Variants in KCNIP4 observed in about 807,000 individuals in gnomAD.
The protein encoded by KCNIP4 is potassium voltage-gated channel interacting protein 4.
Under a neutral mutation model 34.0 loss-of-function variants are expected in KCNIP4, and 12 were observed. That is an observed-to-expected ratio of 0.35 (90% CI 0.23 to 0.57). The LOEUF (loss-of-function observed/expected upper bound fraction) is 0.57, where lower values mean the gene tolerates loss of function less well. Ranked by LOEUF, KCNIP4 falls within the 20% of genes least tolerant of loss-of-function variation. The pLI is 0.83. For synonymous variants in KCNIP4, 124 were observed against 102.2 expected, an observed-to-expected ratio of 1.21 and a Z score of -1.29; for missense variants, 238 against 311.7, an observed-to-expected ratio of 0.76 and a Z score of 1.78.
chr4:21,780,366 T>C (rs1719500511), intron 1 of KCNIP4, among the ~76,000 whole-genome samples: 1 of 152,070 alleles, frequency 6.6e-6, no homozygotes, highest in Admixed American at 6.6e-5. Context: ...TGCTTGAAAG[T>C]CCCATGAATA....
At chr4:21,898,853 G>A (rs1020797671) in intron 1 of KCNIP4, among the ~76,000 whole-genome samples, 2 of 152,128 alleles carry the variant, frequency 1.3e-5, no homozygotes, top group African/African-American at 2.4e-5. Flanking sequence ...TGTGGTCCCC[G>A]AGCACAGACC....
At chr4:20,928,163 T>C (rs1480935919) in intron 1 of KCNIP4, among the ~76,000 whole-genome samples, 1 of 152,012 alleles carries the variant, frequency 6.6e-6, no homozygotes, top group African/African-American at 2.4e-5. Context: ...AAACTACGTA[T>C]AATCTATAAA....
chr4:21,555,978 T>C (rs1389254034), intron 1 of KCNIP4, among the ~76,000 whole-genome samples: 2 of 152,226 alleles, frequency 1.3e-5, no homozygotes, highest in Admixed American at 6.5e-5. Flanking sequence ...CGGTTAACCC[T>C]GGAATGATTT....
At chr4:21,093,554 T>C (rs1056154184) in intron 1 of KCNIP4, among the ~76,000 whole-genome samples, 5 of 130,212 alleles carry the variant, frequency 3.8e-5, no homozygotes, top group Non-Finnish European at 7.8e-5. Context: ...GAAAGAAATA[T>C]GGAAAAAAAA....
intron 3 of KCNIP4, among the ~76,000 whole-genome samples, chr4:20,789,243 G>A (rs1169172646): frequency 6.6e-6 from 1 of 152,058 alleles, no homozygotes; most frequent in African/African-American, 2.4e-5. Context: ...TTTAGTAAAT[G>A]TCACCAACAT....
intron 3 of KCNIP4, among the ~76,000 whole-genome samples, chr4:20,839,648 A>G (rs191473980): frequency 5.3e-5 from 8 of 152,214 alleles, no homozygotes; most frequent in Admixed American, 5.2e-4. Context: ...CATGATAATA[A>G]TGGTGCTAAT....
At chr4:21,584,865 G>C (rs1332128547) in intron 1 of KCNIP4, among the ~76,000 whole-genome samples, 1 of 152,056 alleles carries the variant, frequency 6.6e-6, no homozygotes, top group East Asian at 1.9e-4. Flanking sequence ...TCTTGAAAAC[G>C]TTTGAGCTTT....
At chr4:21,430,443 T>A (rs1456098968) in intron 1 of KCNIP4, among the ~76,000 whole-genome samples, 3 of 151,886 alleles carry the variant, frequency 2.0e-5, no homozygotes, top group African/African-American at 4.8e-5. Context: ...CAATTACCTT[T>A]GAGGAAGTAA....
intron 1 of KCNIP4, among the ~76,000 whole-genome samples, chr4:21,631,720 C>A (rs923595798): frequency 2.0e-5 from 3 of 152,142 alleles, no homozygotes; most frequent in African/African-American, 7.2e-5. Flanking sequence ...ACCAATTGTG[C>A]TCAATGGCAT....
At chr4:21,936,245 G>T (rs548610920) in intron 1 of KCNIP4, among the ~76,000 whole-genome samples, 1 of 151,924 alleles carries the variant, frequency 6.6e-6, no homozygotes, top group Non-Finnish European at 1.5e-5. Context: ...ATCATGGGGC[G>T]GTCCCCCCAT....
At chr4:21,516,428 A>AG (rs1734764776) in intron 1 of KCNIP4, among the ~76,000 whole-genome samples, 1 of 152,156 alleles carries the variant, frequency 6.6e-6, no homozygotes, top group Admixed American at 6.5e-5. Context: ...CCCACTGAAA[A>AG]CTAATGAAAG....
At chr4:21,044,774 G>T (rs1453200151) in intron 1 of KCNIP4, among the ~76,000 whole-genome samples, 1 of 152,116 alleles carries the variant, frequency 6.6e-6, no homozygotes, top group African/African-American at 2.4e-5. Context: ...TTTCTCTACT[G>T]TCTAAGCCAC....
chr4:21,148,757 A>C (rs1001880750), intron 1 of KCNIP4, among the ~76,000 whole-genome samples: 32 of 152,016 alleles, frequency 2.1e-4, no homozygotes, highest in African/African-American at 7.2e-4. Flanking sequence ...AGCAAATAAC[A>C]ATTTATCCCT....
chr4:21,271,864 C>A (rs1426316473), intron 1 of KCNIP4, among the ~76,000 whole-genome samples: 1 of 152,132 alleles, frequency 6.6e-6, no homozygotes, highest in African/African-American at 2.4e-5. Flanking sequence ...CAAATCATTA[C>A]CAATCAAGAA....
chr4:21,490,409 A>G (rs1732289323), intron 1 of KCNIP4, among the ~76,000 whole-genome samples: 1 of 152,162 alleles, frequency 6.6e-6, no homozygotes, highest in African/African-American at 2.4e-5. Context: ...ACCCCATTGC[A>G]TCCTCGACCC....
chr4:21,128,121 G>A (rs566480866), intron 1 of KCNIP4, among the ~76,000 whole-genome samples: 9 of 152,276 alleles, frequency 5.9e-5, no homozygotes, highest in East Asian at 1.9e-4. Context: ...AAATCAGACA[G>A]CCTTGTTCAA....
intron 1 of KCNIP4, among the ~76,000 whole-genome samples, chr4:21,356,285 A>G (rs1231991741): frequency 9.9e-5 from 15 of 152,178 alleles, no homozygotes; most frequent in Non-Finnish European, 4.4e-5. Flanking sequence ...CTCTCTCACC[A>G]TTCCTATTCA....
chr4:21,653,925 C>G (rs968698629), intron 1 of KCNIP4, among the ~76,000 whole-genome samples: 5 of 152,076 alleles, frequency 3.3e-5, no homozygotes, highest in African/African-American at 1.2e-4. Context: ...CATGTCACAC[C>G]TGAATAGGTT....
intron 1 of KCNIP4, among the ~76,000 whole-genome samples, chr4:21,004,866 C>T (rs1051702558): frequency 1.4e-4 from 21 of 151,782 alleles, no homozygotes; most frequent in Non-Finnish European, 2.9e-4. Context: ...TTCAAAAATG[C>T]TAAAGGGGAG....
Sources: allele counts gnomAD v4.1 joint callset (sites outside exome capture counted in the v4.1 genomes callset), GRCh38; gene constraint gnomAD v4.1.1; transcripts MANE v1.5; gene names NCBI Gene and HGNC (gene_info 2026-07-23, HGNC 2026-07-21).